The following HDAC9 variants were observed in gnomAD, a reference collection of about 807,000 sequenced individuals.
The protein encoded by HDAC9 is histone deacetylase 9, also known as MEF-2 interacting transcription repressor (MITR) protein.
A neutral mutation model predicts 139.4 loss-of-function variants in HDAC9; 41 were observed. That is an observed-to-expected ratio of 0.29 (90% CI 0.23 to 0.38). The LOEUF is 0.38. Among genes scored for constraint, HDAC9 ranks in the 10% least tolerant of loss-of-function variants. The pLI is 1.00. For missense variants in HDAC9, 1,147 were observed against 1,297.0 expected (o/e 0.88, Z 1.78); for synonymous variants, 517 against 476.2 (o/e 1.09, Z -1.12).
intron 13 of HDAC9, among the ~76,000 whole-genome samples, chr7:18,736,233 T>C (rs57312000): frequency 0.076 from 11,492 of 152,192 alleles, 994 homozygotes; most frequent in African/African-American, 0.2. Flanking sequence ...TATTTCTATC[T>C]CTTGCCTGAT....
chr7:18,281,501 C>T (rs1163643600), intron 2 of HDAC9, among the ~76,000 whole-genome samples: 1 of 152,154 alleles, frequency 6.6e-6, no homozygotes, highest in Non-Finnish European at 1.5e-5. Flanking sequence ...TTAATTGATT[C>T]TCTTTCCATG....
intron 2 of HDAC9, among the ~76,000 whole-genome samples, chr7:18,262,596 G>T (rs1795750926): frequency 6.6e-6 from 1 of 152,124 alleles, no homozygotes; most frequent in African/African-American, 2.4e-5. Flanking sequence ...CAGTATAACT[G>T]TATTTTTGTT....
At chr7:18,477,342 G>C (rs937107718) in intron 1 of HDAC9, among the ~76,000 whole-genome samples, 1 of 152,046 alleles carries the variant, frequency 6.6e-6, no homozygotes, top group Non-Finnish European at 1.5e-5. Context: ...TTAATCCAGC[G>C]TGTCTTAATT....
chr7:18,807,190 T>C (rs1047426117), intron 17 of HDAC9, among the ~76,000 whole-genome samples: 1 of 152,180 alleles, frequency 6.6e-6, no homozygotes, highest in African/African-American at 2.4e-5. Context: ...GCAGGATATA[T>C]GTGGCTAGGA....
chr7:18,194,139 CTTCT>C (rs1790565658), intron 2 of HDAC9, among the ~76,000 whole-genome samples: 1 of 152,116 alleles, frequency 6.6e-6, no homozygotes, highest in Admixed American at 6.6e-5. Flanking sequence ...AGAAAAACTG[CTTCT>C]TTATTAACTG....
chr7:18,575,182 T>G (rs1181706554), intron 2 of HDAC9, among the ~76,000 whole-genome samples: 1 of 152,262 alleles, frequency 6.6e-6, no homozygotes, highest in Non-Finnish European at 1.5e-5. Context: ...CTACACATTT[T>G]AATGAAGAGC....
intron 12 of HDAC9, among the ~76,000 whole-genome samples, chr7:18,690,837 A>G (rs888079391): frequency 3.3e-5 from 5 of 152,156 alleles, no homozygotes; most frequent in South Asian, 4.1e-4. Context: ...TAAAAGATAT[A>G]TTAGATTTGA....
chr7:18,787,208 C>G (rs777625479), intron 16 of HDAC9, among the ~76,000 whole-genome samples: 11 of 152,094 alleles, frequency 7.2e-5, no homozygotes, highest in Non-Finnish European at 1.5e-4. Context: ...GTGCCTCCTC[C>G]TCTGATGACT....
intron 13 of HDAC9, among the ~76,000 whole-genome samples, chr7:18,731,111 G>C (rs184922863): frequency 1.3e-5 from 2 of 152,048 alleles, no homozygotes; most frequent in African/African-American, 4.8e-5. Flanking sequence ...AGAATGATGC[G>C]CAATTTAAAA....
rs185304027 is a variant in HDAC9, at chr7:18,133,575, A to G, written c.-96-28654A>G. On this transcript the variant is annotated intron_variant, in intron 1 of 12. Transcript: ENST00000417496. ...TCAATTTTGCAATTATAGGATGCAC[A>G]TGTTATTCAGCAGATATGAACGTTT... 4.1e-4 allele frequency among the ~76,000 whole-genome samples: 63 copies of G among 152,272 alleles called. 1 individual carries two copies. The highest frequency in any genetic ancestry group is 1.4e-3 in the African/African-American group (59 of 41,560).
At chr7:18,600,269 A>G (rs1833596173) in intron 6 of HDAC9, among the ~76,000 whole-genome samples, 1 of 151,942 alleles carries the variant, frequency 6.6e-6, no homozygotes, top group Admixed American at 6.6e-5. Context: ...TTCTTGTATC[A>G]TTGTCTTTCA....
intron 13 of HDAC9, among the ~76,000 whole-genome samples, chr7:18,728,959 G>C (rs1052578686): frequency 6.6e-6 from 1 of 152,094 alleles, no homozygotes; most frequent in Non-Finnish European, 1.5e-5. Context: ...CATTGCCTCT[G>C]ACTCTTCTAC....
At chr7:18,380,562 T>C (rs911642926) in intron 1 of HDAC9, among the ~76,000 whole-genome samples, 5 of 152,218 alleles carry the variant, frequency 3.3e-5, no homozygotes, top group African/African-American at 1.2e-4. Context: ...ATTGACTGTA[T>C]GGCTTCTCCT....
intron 2 of HDAC9, among the ~76,000 whole-genome samples, chr7:18,280,644 T>TA (rs1313728712): frequency 1.3e-5 from 2 of 151,084 alleles, no homozygotes; most frequent in Admixed American, 6.6e-5. Context: ...GCACTTATAG[T>TA]CCCAGCTACT....
chr7:18,742,014 T>C (rs916664778), intron 13 of HDAC9, among the ~76,000 whole-genome samples: 6 of 152,224 alleles, frequency 3.9e-5, no homozygotes, highest in African/African-American at 1.4e-4. Flanking sequence ...AAAAATGTTT[T>C]CTTGGGATGG....
intron 21 of HDAC9, among the ~76,000 whole-genome samples, chr7:18,845,130 G>T (rs186396221): frequency 5.3e-5 from 8 of 152,128 alleles, no homozygotes; most frequent in Admixed American, 5.2e-4. Context: ...TATTTAGTTT[G>T]GTTTTTTGAG....
chr7:18,816,340 A>G (rs1220813484), intron 17 of HDAC9, among the ~76,000 whole-genome samples: 1 of 152,232 alleles, frequency 6.6e-6, no homozygotes, highest in Admixed American at 6.5e-5. Flanking sequence ...ACTATTTTTC[A>G]TCACAGAGAT....
At chr7:18,940,997 G>A (rs1272142963) in intron 23 of HDAC9, among the ~76,000 whole-genome samples, 1 of 152,066 alleles carries the variant, frequency 6.6e-6, no homozygotes. Flanking sequence ...AAGCTTGTTA[G>A]AGGAAAAAAG....
intron 1 of HDAC9, among the ~76,000 whole-genome samples, chr7:18,293,434 C>T (rs1797947337): frequency 2.0e-5 from 3 of 151,974 alleles, no homozygotes; most frequent in Admixed American, 2.0e-4. Flanking sequence ...CGCATATTCT[C>T]ACTGATAGGT....
Sources: gnomAD v4.1 joint callset for allele counts (sites outside exome capture counted in the v4.1 genomes callset) on GRCh38, gnomAD v4.1.1 for gene constraint, MANE v1.5 for transcripts, NCBI Gene and HGNC (gene_info 2026-07-23, HGNC 2026-07-21) for gene names.